The following FRMPD4 variants were observed in gnomAD, a reference collection of about 807,000 sequenced individuals.
FRMPD4 encodes FERM and PDZ domain-containing protein 4.
In FRMPD4, 22 loss-of-function variants were observed where a neutral mutation model predicts 94.1. The ratio of observed to expected loss-of-function variants is 0.23; its 90% CI spans 0.17 to 0.33. The LOEUF is 0.33. Ranked by LOEUF, FRMPD4 falls within the 10% of genes least tolerant of loss-of-function variation. The pLI is 1.00. For synonymous variants in FRMPD4, 631 were observed against 548.6 expected (o/e 1.15, Z -2.10); for missense variants, 1,111 against 1,339.9 (o/e 0.83, Z 2.67).
rs186668157 is a variant in FRMPD4, at chrX:12,128,790, G to T, written c.95+250772G>T. Among the ~76,000 whole-genome samples the T allele has an allele frequency of 2.4e-3, 273 of 112,287 alleles. 3 individuals carry two copies. Among genetic ancestry groups the T allele is most frequent in the Admixed American group, 0.023 (243 of 10,644 alleles). ...CACCTCTTGAATTCCTTGCTGCTTA[G>T]AAATTTCTTCTGCCAGATACCCTAA... is the stretch of plus-strand genomic sequence containing the variant. On this transcript the variant is annotated intron_variant, in intron 3 of 18. Coordinates refer to the FRMPD4 transcript ENST00000640291.
chrX:12,172,474 C>T (rs1335342194), intron 1 of FRMPD4, among the ~76,000 whole-genome samples: 1 of 111,663 alleles, frequency 9.0e-6, no homozygotes, highest in East Asian at 2.8e-4. Context: ...AAGACCTTTT[C>T]CTGTGTTCAT....
intron 1 of FRMPD4, among the ~76,000 whole-genome samples, chrX:12,466,970 G>A (rs749443425): frequency 1.8e-5 from 2 of 111,895 alleles, no homozygotes; most frequent in East Asian, 2.8e-4. Flanking sequence ...CCTTCTCTCT[G>A]TTCCTGAATT....
intron 3 of FRMPD4, among the ~76,000 whole-genome samples, chrX:12,071,479 A>G (rs1470827523): frequency 8.9e-6 from 1 of 111,881 alleles, no homozygotes; most frequent in Non-Finnish European, 1.9e-5. Context: ...ATGTTCAACA[A>G]TCCTATGAGA....
chrX:12,161,081 A>G (rs1460995854), intron 1 of FRMPD4, among the ~76,000 whole-genome samples: 11 of 111,305 alleles, frequency 9.9e-5, no homozygotes, highest in Non-Finnish European at 1.9e-4. Flanking sequence ...TGCTGCTGCT[A>G]CTACTACTAT....
chrX:12,473,063 GA>G (rs2057536961), intron 1 of FRMPD4, among the ~76,000 whole-genome samples: 1 of 110,802 alleles, frequency 9.0e-6, no homozygotes, highest in South Asian at 3.7e-4. Context: ...CAGCCAGAGA[GA>G]AAGGTCAGGT....
intron 3 of FRMPD4, among the ~76,000 whole-genome samples, chrX:12,050,048 A>C (rs1486154272): frequency 8.9e-6 from 1 of 111,954 alleles, no homozygotes; most frequent in Non-Finnish European, 1.9e-5. Flanking sequence ...AGTAAAATAT[A>C]CAGTAAGCTA....
Position 12,193,778 on chromosome X carries a change from G to GAAAGAAAGAAAAA in FRMPD4, c.41+54766_41+54767insAAAGAAAGAAAAA, listed in dbSNP as rs1569186488. ...AGAAAGAAAGAAAGAAAGAAAGGAA[G>GAAAGAAAGAAAAA]GAAGGAAGGAAGGAAGGAAGGAAGG... On this transcript the variant is annotated intron_variant, in intron 1 of 16. Coordinates refer to ENST00000675598, the MANE Select transcript of FRMPD4 (RefSeq NM_001368397.1). Among the ~76,000 whole-genome samples the GAAAGAAAGAAAAA allele has an allele frequency of 1.3e-4, 4 of 30,440 alleles. 1 individual carries two copies. The highest frequency in any genetic ancestry group is 1.6e-4 in the Non-Finnish European group (3 of 19,263). The allele number at this position is 30,440 out of a possible 115,157, so 26.4% of individuals were successfully genotyped here.
At chrX:12,122,029 G>T (rs775582773) in intron 3 of FRMPD4, among the ~76,000 whole-genome samples, 1 of 112,057 alleles carries the variant, frequency 8.9e-6, no homozygotes, top group South Asian at 3.8e-4. Flanking sequence ...ACATTTATGA[G>T]TTTGATATAA....
At chrX:11,926,780 A>C (rs1330314710) in intron 3 of FRMPD4, among the ~76,000 whole-genome samples, 1 of 111,758 alleles carries the variant, frequency 8.9e-6, no homozygotes, top group African/African-American at 3.3e-5. Flanking sequence ...CACGTAGGAC[A>C]AACCCACAGC....
chrX:12,065,786 T>C (rs1402388564), intron 3 of FRMPD4, among the ~76,000 whole-genome samples: 1 of 112,473 alleles, frequency 8.9e-6, no homozygotes, highest in Non-Finnish European at 1.9e-5. Flanking sequence ...GAAGGCTCTC[T>C]TTTGATCGAA....
At chrX:12,429,683 G>A (rs1601934844) in intron 1 of FRMPD4, among the ~76,000 whole-genome samples, 1 of 112,158 alleles carries the variant, frequency 8.9e-6, no homozygotes, top group East Asian at 2.8e-4. Context: ...TTTTGAAAGC[G>A]TGACTCTGAT....
chrX:12,537,357 T>C (rs926792079), intron 2 of FRMPD4, among the ~76,000 whole-genome samples: 4 of 111,784 alleles, frequency 3.6e-5, no homozygotes, highest in African/African-American at 6.5e-5. Flanking sequence ...TAAGTAATAC[T>C]GGTCCAATTT....
At chrX:12,283,737 A>G (rs1401331748) in intron 1 of FRMPD4, among the ~76,000 whole-genome samples, 1 of 111,301 alleles carries the variant, frequency 9.0e-6, no homozygotes, top group African/African-American at 3.3e-5. Context: ...AGGCACACAT[A>G]GAGCATTTGT....
At chrX:11,925,880 C>A (rs1408605813) in intron 3 of FRMPD4, among the ~76,000 whole-genome samples, 1 of 110,892 alleles carries the variant, frequency 9.0e-6, no homozygotes, top group Admixed American at 9.6e-5. Flanking sequence ...CCAAAGCTAG[C>A]AGACGACAAT....
At chrX:12,319,868 C>T (rs2055181735) in intron 1 of FRMPD4, among the ~76,000 whole-genome samples, 1 of 111,956 alleles carries the variant, frequency 8.9e-6, no homozygotes, top group Non-Finnish European at 1.9e-5. Context: ...GGCAATGTTT[C>T]TCTTAGTTAT....
intron 1 of FRMPD4, among the ~76,000 whole-genome samples, chrX:12,140,642 G>A (rs1165851071): frequency 2.7e-5 from 3 of 112,127 alleles, no homozygotes; most frequent in Non-Finnish European, 5.6e-5. Context: ...GGCCTCAGAT[G>A]CTAAAAACAG....
chrX:12,692,625 A>G (rs1260037813), intron 8 of FRMPD4, among the ~76,000 whole-genome samples: 1 of 112,291 alleles, frequency 8.9e-6, no homozygotes, highest in Non-Finnish European at 1.9e-5. Context: ...AGAAAGTGTT[A>G]TGGACTGCCA....
At chrX:12,212,989 A>T (rs972579623) in intron 1 of FRMPD4, among the ~76,000 whole-genome samples, 10 of 111,243 alleles carry the variant, frequency 9.0e-5, no homozygotes, top group Admixed American at 1.9e-4. Flanking sequence ...CAAAGCATAA[A>T]TAACTCTGAG....
intron 1 of FRMPD4, among the ~76,000 whole-genome samples, chrX:12,268,396 G>T (rs1262790476): frequency 2.7e-5 from 3 of 112,069 alleles, no homozygotes; most frequent in Non-Finnish European, 5.6e-5. Flanking sequence ...CAATGGATAG[G>T]AGCCTTGTAC....
Sources: allele counts gnomAD v4.1 joint callset (sites outside exome capture counted in the v4.1 genomes callset), GRCh38; gene constraint gnomAD v4.1.1; transcripts MANE v1.5; gene names NCBI Gene and HGNC (gene_info 2026-07-23, HGNC 2026-07-21).